The following CTNNA2 variants were observed in gnomAD, a reference collection of about 807,000 sequenced individuals.
CTNNA2 encodes catenin alpha 2, also known as catenin alpha-2.
A neutral mutation model predicts 101.0 loss-of-function variants in CTNNA2; 42 were observed. The observed-to-expected ratio is 0.42, with a 90% CI of 0.32 to 0.54. The LOEUF (loss-of-function observed/expected upper bound fraction) is 0.54. Ranked by LOEUF, CTNNA2 falls within the 20% of genes least tolerant of loss-of-function variation. The probability of loss-of-function intolerance (pLI) is 0.14; values close to 1 mark genes in which losing one functional copy is unlikely to be tolerated. For missense variants in CTNNA2, 871 were observed against 1,223.1 expected, an observed-to-expected ratio of 0.71 and a Z score of 4.29; for synonymous variants, 450 against 456.4, an observed-to-expected ratio of 0.99 and a Z score of 0.18.
At position 79,964,637 on chromosome 2, in the gene CTNNA2, C is replaced by G. The variant is rs572444768; in HGVS notation, c.1056+54840C>G. On this transcript the variant is annotated intron_variant, in intron 7 of 18. Transcript: ENST00000402739. ...TGAATTAGAGAGAGGTAAGGTAATT[C>G]TCTGAAGGATGCAGATAGACGAATT... Among the ~76,000 whole-genome samples the G allele has an allele frequency of 2.0e-5, 3 of 152,270 alleles. No individual in the cohort carries two copies. The South Asian group carries it at 6.2e-4, about 32-fold the overall frequency.
At chr2:79,671,309 C>G (rs530645235) in intron 2 of CTNNA2, among the ~76,000 whole-genome samples, 1 of 152,358 alleles carries the variant, frequency 6.6e-6, no homozygotes, top group African/African-American at 2.4e-5. Flanking sequence ...GATAAGTGAT[C>G]GCATTAGAGC....
rs1674387530 is a variant in CTNNA2 at position 79,224,782 on chromosome 2, A to T, written c.-406+26706A>T. On this transcript the variant is annotated intron_variant, in intron 2 of 21. Coordinates refer to the CTNNA2 transcript ENST00000466387. ...TCTCCCAGAGCCAATCATTATTATA[A>T]TTATTTTTAATAAATTATAAATATT... 2.0e-5 allele frequency among the ~76,000 whole-genome samples: 3 copies of T among 150,942 alleles called. No individual in the cohort carries two copies. The South Asian group carries it at 6.2e-4, about 31-fold the overall frequency.
intron 3 of CTNNA2, among the ~76,000 whole-genome samples, chr2:79,346,042 A>G (rs1486089947): frequency 6.6e-6 from 1 of 152,018 alleles, no homozygotes; most frequent in African/African-American, 2.4e-5. Flanking sequence ...TTTGGGAGCT[A>G]ATCTGTGTAT....
chr2:79,730,025 C>G (rs899756845), intron 2 of CTNNA2, among the ~76,000 whole-genome samples: 5 of 152,004 alleles, frequency 3.3e-5, no homozygotes, highest in Non-Finnish European at 7.4e-5. Flanking sequence ...TGCCATAAAA[C>G]CAATTGATTT....
At chr2:79,967,116 A>ATGTG (rs537359067) in intron 7 of CTNNA2, among the ~76,000 whole-genome samples, 531 of 39,610 alleles carry the variant, frequency 0.013, 11 homozygotes, top group Admixed American at 0.12. Context: ...ACGCGCACGC[A>ATGTG]CGTGTGTGTG....
At chr2:80,223,594 T>G (rs2149059521) in intron 7 of CTNNA2, among the ~76,000 whole-genome samples, 1 of 152,262 alleles carries the variant, frequency 6.6e-6, no homozygotes, top group South Asian at 2.1e-4. Context: ...CATATAAAAT[T>G]TTCTCAGTCT....
At chr2:80,088,439 G>A (rs1396765108) in intron 7 of CTNNA2, among the ~76,000 whole-genome samples, 1 of 152,050 alleles carries the variant, frequency 6.6e-6, no homozygotes, top group Admixed American at 6.6e-5. Flanking sequence ...AGGCTGTCTT[G>A]TCCCTTATTG....
intron 7 of CTNNA2, among the ~76,000 whole-genome samples, chr2:80,316,494 C>T (rs1283094395): frequency 2.0e-5 from 3 of 152,176 alleles, no homozygotes; most frequent in African/African-American, 4.8e-5. Flanking sequence ...GTGCAAGTCT[C>T]GGGATACTCT....
intron 1 of CTNNA2, among the ~76,000 whole-genome samples, chr2:79,563,507 A>T (rs1180405652): frequency 3.3e-5 from 5 of 152,042 alleles, no homozygotes; most frequent in Admixed American, 3.3e-4. Context: ...TTCTCTCAAC[A>T]TCATTGCTTG....
At chr2:80,134,315 A>G (rs1702572131) in intron 7 of CTNNA2, among the ~76,000 whole-genome samples, 1 of 152,102 alleles carries the variant, frequency 6.6e-6, no homozygotes, top group African/African-American at 2.4e-5. Context: ...GCATGGAGGG[A>G]GGAGGCAGGG....
In CTNNA2 at chr2:79,258,795, C is replaced by T. The variant is rs1674881555; in HGVS notation, c.-405-53914C>T. Among the ~76,000 whole-genome samples, 4 of 130,674 alleles carry T rather than the reference C, an allele frequency of 3.1e-5. No homozygotes were observed. In the South Asian group the frequency reaches 9.8e-4, roughly 32 times the overall value. 85.7% of individuals were successfully genotyped at this position (130,674 alleles called of 152,430 possible). A position where few individuals can be genotyped will look rare whatever the true frequency, so the allele number is the denominator to read the frequency against. On this transcript the variant is annotated intron_variant, in intron 2 of 21. Coordinates refer to the CTNNA2 transcript ENST00000466387. The stretch of plus-strand genomic sequence containing the variant: ...AGGGGAACTTGTGCACCTAGGCCTA[C>T]AGGGAGGAGGGTCTGGAGGACTCCA...
chr2:80,325,697 T>C (rs999826435), intron 7 of CTNNA2, among the ~76,000 whole-genome samples: 3 of 152,224 alleles, frequency 2.0e-5, no homozygotes, highest in Non-Finnish European at 2.9e-5. Flanking sequence ...GATACAGTTT[T>C]GCTGCATTCA....
At chr2:79,502,292 G>A (rs1252488851) in intron 4 of CTNNA2, among the ~76,000 whole-genome samples, 1 of 152,190 alleles carries the variant, frequency 6.6e-6, no homozygotes, top group Non-Finnish European at 1.5e-5. Context: ...GTGCTATCTT[G>A]AGTAGCTAGG....
intron 17 of CTNNA2, among the ~76,000 whole-genome samples, chr2:80,615,595 A>G (rs1698789198): frequency 6.6e-6 from 1 of 151,620 alleles, no homozygotes; most frequent in East Asian, 1.9e-4. Flanking sequence ...TTCAGCTAGA[A>G]TAGCAGAGTA....
intron 4 of CTNNA2, among the ~76,000 whole-genome samples, chr2:79,418,167 G>A (rs1466145893): frequency 1.3e-5 from 2 of 152,176 alleles, no homozygotes; most frequent in East Asian, 1.9e-4. Context: ...AAAAACCTGA[G>A]AAGATATCTC....
At chr2:79,527,977 C>T (rs1672517534) in intron 1 of CTNNA2, among the ~76,000 whole-genome samples, 1 of 152,150 alleles carries the variant, frequency 6.6e-6, no homozygotes, top group African/African-American at 2.4e-5. Flanking sequence ...GATAATATTC[C>T]ACCATAAATA....
At chr2:80,360,257 G>A (rs1309745068) in intron 7 of CTNNA2, among the ~76,000 whole-genome samples, 1 of 152,076 alleles carries the variant, frequency 6.6e-6, no homozygotes, top group African/African-American at 2.4e-5. Context: ...TCTATGATAA[G>A]TAACACACAA....
intron 7 of CTNNA2, among the ~76,000 whole-genome samples, chr2:80,388,404 C>G (rs1677209915): frequency 6.6e-6 from 1 of 152,228 alleles, no homozygotes; most frequent in East Asian, 1.9e-4. Context: ...AAAGCAAGCA[C>G]TTAGCCACGT....
At chr2:79,900,609 T>C (rs890497696) in intron 6 of CTNNA2, among the ~76,000 whole-genome samples, 2 of 152,090 alleles carry the variant, frequency 1.3e-5, no homozygotes, top group Non-Finnish European at 2.9e-5. Context: ...CTCTTCGTTA[T>C]GTGGAAAGAA....
Sources: allele counts gnomAD v4.1 joint callset (sites outside exome capture counted in the v4.1 genomes callset), GRCh38; gene constraint gnomAD v4.1.1; transcripts MANE v1.5; gene names NCBI Gene and HGNC (gene_info 2026-07-23, HGNC 2026-07-21).